The following SLC30A7 variants were observed in gnomAD, a reference collection of about 807,000 sequenced individuals.
SLC30A7 encodes the protein solute carrier family 30 member 7.
Under a neutral mutation model 46.0 loss-of-function variants are expected in SLC30A7, and 35 were observed. That is an observed-to-expected ratio of 0.76 (90% CI 0.58 to 1.01). The LOEUF (loss-of-function observed/expected upper bound fraction) is 1.01, where lower values mean the gene tolerates loss of function less well. SLC30A7 is among the 50% of genes least tolerant of loss of function. The pLI is 0.00. For missense variants in SLC30A7, 464 were observed against 451.1 expected, an observed-to-expected ratio of 1.03 and a Z score of -0.26; for synonymous variants, 147 against 157.8, an observed-to-expected ratio of 0.93 and a Z score of 0.51.
chr1:100,933,834 G>C (rs1183524182), intron 8 of SLC30A7, among the ~76,000 whole-genome samples: 1 of 152,170 alleles, frequency 6.6e-6, no homozygotes, highest in East Asian at 1.9e-4. Context: ...CCTTTGGGTT[G>C]GTTCCAAGTC....
At chr1:100,992,849 G>GT in the SLC30A7 span, 1 of 653,294 alleles carries the variant, frequency 1.5e-6, no homozygotes. Flanking sequence ...TCTACATTCT[G>GT]TTTGATGTTT....
At chr1:100,983,341 A>G (rs576513966), downstream of SLC30A7, among the ~76,000 whole-genome samples, 18 of 151,502 alleles carry the variant, frequency 1.2e-4, no homozygotes, top group African/African-American at 4.3e-4. Context: ...TAGTTCATTA[A>G]AACATTATCA....
chr1:100,990,394 G>C, the SLC30A7 span: 1 of 1,610,456 alleles, frequency 6.2e-7, no homozygotes, highest in African/African-American at 1.3e-5. Context: ...TCAGACAATG[G>C]TAAATATCTA....
At chr1:100,965,964 A>G (rs960174608) in intron 10 of SLC30A7, 46 bp downstream of exon 10, 2 of 1,518,536 alleles carry the variant, frequency 1.3e-6, no homozygotes, top group East Asian at 2.3e-5. Context: ...AACATTTTTT[A>G]TAACTAGTAG....
the SLC30A7 span, chr1:100,992,506 A>C: frequency 1.7e-6 from 1 of 591,116 alleles, no homozygotes; most frequent in Non-Finnish European, 2.7e-6. Context: ...GTTGGACAAA[A>C]ATGACAAGAA....
downstream of SLC30A7, among the ~76,000 whole-genome samples, chr1:100,985,817 CAT>C (rs764518667): frequency 1.8e-4 from 28 of 152,106 alleles, no homozygotes; most frequent in African/African-American, 5.8e-4. Flanking sequence ...TGTAAGAAAA[CAT>C]AAACTGGATT....
chr1:100,992,201 C>G, the SLC30A7 span, among the ~76,000 whole-genome samples: 1 of 151,984 alleles, frequency 6.6e-6, no homozygotes, highest in Non-Finnish European at 1.5e-5. Context: ...AACAAATTTT[C>G]TCTTATATTT....
In SLC30A7 at chr1:100,977,059, AT is replaced by A. The variant is rs1280431753; in HGVS notation, c.*2204del. The A allele has an allele frequency of 6.6e-6, 1 of 152,234 alleles. No homozygotes were observed. Among genetic ancestry groups the A allele is most frequent in the African/African-American group, 2.4e-5 (1 of 41,308 alleles). The allele number at this position is 152,234 out of a possible 1,614,324, so 9.4% of individuals were successfully genotyped here. A position where few individuals can be genotyped will look rare whatever the true frequency, so the allele number is the denominator to read the frequency against. On this transcript the variant is annotated 3_prime_UTR_variant, in exon 11 of 11. Transcript: ENST00000357650. ...ACCAAGTCTGAGAGAACTCTGGGAT[AT>A]TCTGTGGGTTTTGGCATATTAGATA...
chr1:100,906,074 G>A (rs944067285), intron 2 of SLC30A7, among the ~76,000 whole-genome samples: 1 of 152,134 alleles, frequency 6.6e-6, no homozygotes, highest in African/African-American at 2.4e-5. Context: ...AGTCAAACTG[G>A]GGTTGAGCTG....
At chr1:100,985,569 T>C (rs113136721), downstream of SLC30A7, among the ~76,000 whole-genome samples, 4,570 of 152,252 alleles carry the variant, frequency 0.03, 226 homozygotes, top group African/African-American at 0.099. Context: ...AAGGGAGAGA[T>C]GCACAGATCA....
chr1:100,904,834 C>A lies in SLC30A7; in HGVS notation c.183-2018C>A, dbSNP rs148796896. Among the ~76,000 whole-genome samples the A allele has an allele frequency of 6.5e-3, 987 of 152,238 alleles. 17 individuals are homozygous for A. Among genetic ancestry groups the A allele is most frequent in the African/African-American group, 0.021 (859 of 41,538 alleles). On this transcript the variant is annotated intron_variant, in intron 2 of 10. Transcript: ENST00000357650. ...GGTATTTGTTAACTTTAACCCAAAG[C>A]CTCTGTCTTTGGTAGATTCTGTAAG...
the SLC30A7 span, chr1:100,990,155 C>T: frequency 2.1e-6 from 1 of 467,822 alleles, no homozygotes; most frequent in Admixed American, 3.7e-5. Flanking sequence ...GGCACCTCTT[C>T]ACAGGGCGGC....
At chr1:100,962,226 C>A (rs996691059) in intron 9 of SLC30A7, among the ~76,000 whole-genome samples, 11 of 152,160 alleles carry the variant, frequency 7.2e-5, no homozygotes, top group African/African-American at 2.7e-4. Context: ...AGATACTCTT[C>A]TAAAGTACTG....
intron 8 of SLC30A7, among the ~76,000 whole-genome samples, chr1:100,938,700 T>C (rs1654134932): frequency 6.6e-6 from 1 of 152,200 alleles, no homozygotes; most frequent in African/African-American, 2.4e-5. Context: ...GCAGAATTTG[T>C]TTCATTATAG....
At chr1:100,948,440 G>A (rs928098450) in intron 8 of SLC30A7, among the ~76,000 whole-genome samples, 1 of 152,074 alleles carries the variant, frequency 6.6e-6, no homozygotes, top group African/African-American at 2.4e-5. Context: ...TCTCTTTGTG[G>A]GTAACCCGAC....
At chr1:100,990,220 G>T in the SLC30A7 span, 1 of 597,448 alleles carries the variant, frequency 1.7e-6, no homozygotes, top group Non-Finnish European at 2.9e-6. Context: ...AAAACCATCA[G>T]ATCTCATGAA....
intron 8 of SLC30A7, among the ~76,000 whole-genome samples, chr1:100,947,770 T>A (rs1654726321): frequency 1.3e-5 from 2 of 152,220 alleles, no homozygotes; most frequent in African/African-American, 4.8e-5. Flanking sequence ...TTAGCTCTTC[T>A]TGTTGAATTG....
chr1:100,915,870 C>G (rs908637867), intron 6 of SLC30A7, among the ~76,000 whole-genome samples: 3 of 152,104 alleles, frequency 2.0e-5, no homozygotes, highest in Non-Finnish European at 4.4e-5. Flanking sequence ...AGTGTCTGCA[C>G]CAGTTTACAT....
At chr1:100,993,750 A>AT in the SLC30A7 span, among the ~76,000 whole-genome samples, 481 of 145,400 alleles carry the variant, frequency 3.3e-3, 2 homozygotes, top group Middle Eastern at 7.1e-3. Context: ...TAAAAAGGCA[A>AT]TTTTTTTTTT....
Sources: gnomAD v4.1 joint callset for allele counts (sites outside exome capture counted in the v4.1 genomes callset) on GRCh38, gnomAD v4.1.1 for gene constraint, MANE v1.5 for transcripts, NCBI Gene and HGNC (gene_info 2026-07-23, HGNC 2026-07-21) for gene names.